Variants in NBAS observed in about 807,000 individuals in gnomAD.
NBAS encodes the protein NBAS subunit of NRZ tethering complex.
In NBAS, 219 loss-of-function variants were observed where a neutral mutation model predicts 302.5. The observed-to-expected ratio is 0.72, with a 90% confidence interval of 0.65 to 0.81. NBAS has a LOEUF of 0.81. Ranked by LOEUF, NBAS falls within the 30% of genes least tolerant of loss-of-function variation. NBAS has a pLI of 0.00. For synonymous variants in NBAS, 1,118 were observed against 1,021.6 expected (o/e 1.09, Z -1.80); for missense variants, 2,932 against 2,841.6 (o/e 1.03, Z -0.72).
chr2:15,338,674 TACACACACACACACAC>T (rs70961409), intron 35 of NBAS, among the ~76,000 whole-genome samples: 8 of 134,746 alleles, frequency 5.9e-5, no homozygotes, highest in East Asian at 2.2e-4. Context: ...AACACACACA[TACACACACACACACAC>T]ACACACACAC....
the NBAS span, among the ~76,000 whole-genome samples, chr2:15,086,180 C>T: frequency 6.6e-6 from 1 of 152,156 alleles, no homozygotes; most frequent in African/African-American, 2.4e-5. Context: ...ATAAAAGCCC[C>T]AGGCTGAGCT....
intron 51 of NBAS, among the ~76,000 whole-genome samples, chr2:15,177,603 G>C (rs1457475789): frequency 6.6e-6 from 1 of 152,092 alleles, no homozygotes; most frequent in Non-Finnish European, 1.5e-5. Context: ...ATTTTTGTGA[G>C]AATGCCTAAC....
the NBAS span, among the ~76,000 whole-genome samples, chr2:14,788,675 C>T: frequency 6.6e-6 from 1 of 152,196 alleles, no homozygotes; most frequent in Non-Finnish European, 1.5e-5. Flanking sequence ...CTGATCGTTC[C>T]TCTGGAAGTT....
At chr2:15,351,160 A>C (rs1212583683) in intron 35 of NBAS, among the ~76,000 whole-genome samples, 1 of 152,244 alleles carries the variant, frequency 6.6e-6, no homozygotes, top group African/African-American at 2.4e-5. Flanking sequence ...AAAAATGAAT[A>C]AACTACAGCT....
the NBAS span, among the ~76,000 whole-genome samples, chr2:14,816,457 A>G: frequency 2.3e-4 from 35 of 152,136 alleles, no homozygotes; most frequent in African/African-American, 8.2e-4. Flanking sequence ...CTTCCACAAA[A>G]CCCGTCCCTG....
intron 48 of NBAS, among the ~76,000 whole-genome samples, chr2:15,214,376 TAGAC>T (rs1379053753): frequency 1.3e-5 from 2 of 152,172 alleles, no homozygotes; most frequent in African/African-American, 2.4e-5. Flanking sequence ...AGCAATAAAA[TAGAC>T]AGTGACTGAG....
At chr2:15,036,669 C>CT in the NBAS span, among the ~76,000 whole-genome samples, 208 of 152,272 alleles carry the variant, frequency 1.4e-3, no homozygotes, top group African/African-American at 4.8e-3. Context: ...AGCAGAGTGA[C>CT]TTTAGTACTG....
At chr2:15,467,614 G>T in intron 18 of NBAS, 50 bp downstream of exon 18, 2 of 1,538,836 alleles carry the variant, frequency 1.3e-6, no homozygotes, top group African/African-American at 1.4e-5. Context: ...ACACTGAAAT[G>T]ATTAGTTATT....
At chr2:15,201,135 A>G (rs1665858271) in intron 48 of NBAS, among the ~76,000 whole-genome samples, 1 of 152,328 alleles carries the variant, frequency 6.6e-6, no homozygotes, top group Admixed American at 6.5e-5. Context: ...CTTATCTTCC[A>G]TAAGAACTGG....
intron 40 of NBAS, among the ~76,000 whole-genome samples, chr2:15,304,902 G>C (rs1044792930): frequency 1.9e-4 from 29 of 152,272 alleles, no homozygotes; most frequent in African/African-American, 6.0e-4. Flanking sequence ...GTTTAAAAGG[G>C]AAGCAGAGCA....
In NBAS at chr2:15,275,540, C is replaced by A. The variant is rs1324096650; in HGVS notation, c.5668G>T (p.Gly1890Cys). The A allele has an allele frequency of 6.2e-7, 1 of 1,613,970 alleles. No individual in the cohort carries two copies. The highest frequency in any genetic ancestry group is 8.5e-7 in the Non-Finnish European group (1 of 1,180,004). ...CMKYFDRLHP[G>C]DLITVVDAVT... ...GCATCTACCACAGTGATGAGGTCACCTGGGTGGAGACGATCAAAGTACTTC... is the reference window on the plus strand; with the variant it reads ...GCATCTACCACAGTGATGAGGTCACATGGGTGGAGACGATCAAAGTACTTC... Residue 1890 changes from glycine (G) to cysteine (C), a missense_variant, in exon 44 of 52, where the codon GGT (glycine) becomes TGT (cysteine). Physicochemically the swap from Gly to Cys is radical, Grantham distance 159. Coordinates refer to ENST00000281513, the MANE Select transcript of NBAS (RefSeq NM_015909.4).
intron 6 of NBAS, among the ~76,000 whole-genome samples, chr2:15,541,804 G>T (rs1369497184): frequency 1.2e-5 from 1 of 82,656 alleles, no homozygotes; most frequent in Admixed American, 1.2e-4. Flanking sequence ...GGAGGGAGGT[G>T]GGGGGGTTCA....
Position 15,276,972 on chromosome 2 carries a change from G to T in NBAS, c.5268C>A (p.His1756Gln). 4.3e-6 allele frequency: 7 copies of T among 1,613,926 alleles called. No individual in the cohort carries two copies. The highest frequency in any genetic ancestry group is 5.1e-6 in the Non-Finnish European group (6 of 1,179,936). ...YIYPTIGGFDHERLQYYFTLL... is the reference protein window; with the variant it reads ...YIYPTIGGFDQERLQYYFTLL... ...GAGTGAAATAATACTGCAGCCTTTC[G>T]TGATCAAAGCCACCAATAGTAGGGT... Residue 1756 changes from histidine to glutamine, a missense_variant, in exon 43 of 52, where the codon CAC becomes CAA. Coordinates refer to ENST00000281513, the MANE Select transcript of NBAS (RefSeq NM_015909.4).
chr2:15,527,868 C>T (rs569435921), intron 9 of NBAS, among the ~76,000 whole-genome samples: 1 of 152,174 alleles, frequency 6.6e-6, no homozygotes, highest in East Asian at 1.9e-4. Context: ...TGAACCAGTA[C>T]CTGATCATCT....
the NBAS span, among the ~76,000 whole-genome samples, chr2:14,847,849 G>A: frequency 6.6e-6 from 1 of 152,050 alleles, no homozygotes; most frequent in African/African-American, 2.4e-5. Flanking sequence ...CTCAGCAAAT[G>A]GATCACTCTC....
At chr2:14,853,996 G>A in the NBAS span, among the ~76,000 whole-genome samples, 16 of 143,812 alleles carry the variant, frequency 1.1e-4, no homozygotes, top group East Asian at 4.1e-4. Context: ...TGGGTGCAGC[G>A]CACCAGCATG....
chr2:15,001,517 G>C, the NBAS span, among the ~76,000 whole-genome samples: 1 of 152,040 alleles, frequency 6.6e-6, no homozygotes, highest in Non-Finnish European at 1.5e-5. Context: ...TACATACTTA[G>C]ATTACAAATA....
At position 15,523,705 on chromosome 2, in the gene NBAS, G is replaced by A. The variant is rs188493875; in HGVS notation, c.746+10838C>T. 1.3e-4 allele frequency among the ~76,000 whole-genome samples: 20 copies of A among 152,234 alleles called. No individual in the cohort carries two copies. The East Asian group carries it at 3.7e-3, about 28-fold the overall frequency. On this transcript the variant is annotated intron_variant, in intron 9 of 51. Transcript: ENST00000281513. The stretch of plus-strand genomic sequence containing the variant: ...AAGATGGGCAAATCACCAGAGGTTA[G>A]GAGTTCAAGACCAGCCTGGCCAACT...
At chr2:14,947,909 G>A in the NBAS span, among the ~76,000 whole-genome samples, 1 of 151,868 alleles carries the variant, frequency 6.6e-6, no homozygotes, top group Admixed American at 6.6e-5. Flanking sequence ...CTGTTAATGT[G>A]ATGTATCATT....
Sources: allele counts gnomAD v4.1 joint callset (sites outside exome capture counted in the v4.1 genomes callset), GRCh38; gene constraint gnomAD v4.1.1; transcripts MANE v1.5; gene names NCBI Gene and HGNC (gene_info 2026-07-23, HGNC 2026-07-21).